Variants in SNRNP48 observed in about 807,000 individuals in gnomAD.
The protein encoded by SNRNP48 is U11/U12 small nuclear ribonucleoprotein 48 kDa protein.
SNRNP48 carries 43 observed loss-of-function variants against 47.0 expected under a neutral mutation model. The observed-to-expected ratio is 0.92, with a 90% CI of 0.72 to 1.18. SNRNP48 has a LOEUF of 1.18. SNRNP48 is among the 50% of genes most tolerant of loss of function. The pLI is 0.00. For missense variants in SNRNP48, 396 were observed against 422.2 expected, an observed-to-expected ratio of 0.94 and a Z score of 0.54; for synonymous variants, 138 against 144.0, an observed-to-expected ratio of 0.96 and a Z score of 0.30.
At chr6:7,601,273 T>C (rs1242718789) in intron 4 of SNRNP48, 63 bp from the exon 5 acceptor site, 6 of 1,323,520 alleles carry the variant, frequency 4.5e-6, no homozygotes, top group Non-Finnish European at 6.2e-6. Flanking sequence ...AAGATAATTA[T>C]TAGATTTTAA....
intron 6 of SNRNP48, among the ~76,000 whole-genome samples, chr6:7,603,006 A>G (rs952473357): frequency 2.0e-5 from 3 of 152,184 alleles, no homozygotes; most frequent in East Asian, 1.9e-4. Flanking sequence ...TGGTAAGAGC[A>G]TGAGTTTGGG....
chr6:7,596,876 G>A (rs1457073174), intron 4 of SNRNP48, among the ~76,000 whole-genome samples: 2 of 152,098 alleles, frequency 1.3e-5, no homozygotes, highest in African/African-American at 4.8e-5. Context: ...AATACTTAAA[G>A]GACTTTATTT....
At position 7,606,170 on chromosome 6, in the gene SNRNP48, T is replaced by C; in HGVS notation, c.946T>C (p.Cys316Arg). The C allele has an allele frequency of 6.2e-7, 1 of 1,612,144 alleles. No individual in the cohort carries two copies. The highest frequency in any genetic ancestry group is 2.2e-5 in the East Asian group (1 of 44,846). The part of the protein sequence containing the change: ...RKRNKDKDKN[C>R]ESRRRKERDG... ...AAGAAACAAAGATAAGGATAAAAAC[T>C]GTGAGTCGAGAAGAAGGAAAGAGAG... Residue 316 changes from cysteine to arginine, a missense_variant, in exon 8 of 9, where the codon TGT (cysteine) becomes CGT (arginine). Cys to Arg is a radical substitution (Grantham distance 180). Transcript: ENST00000342415.
Position 7,602,732 on chromosome 6 carries a change from A to G in SNRNP48, c.705A>G (p.Lys235=), listed in dbSNP as rs147309123. The G allele has an allele frequency of 2.0e-5, 31 of 1,574,216 alleles. No individual in the cohort carries two copies. The African/African-American group carries it at 3.7e-4, about 19-fold the overall frequency. ...CCAAGAATGTTCACATAACCAAGAAATCATATACTGAGGTAAGTTTTACAT... is the reference window on the plus strand; with the variant it reads ...CCAAGAATGTTCACATAACCAAGAAGTCATATACTGAGGTAAGTTTTACAT... ...YRAKNVHITK[K]SYTEVIRDVI... The change falls in exon 6 of 9, where the codon AAA becomes AAG. Residue 235 remains lysine (K), a synonymous_variant. Coordinates refer to ENST00000342415, the MANE Select transcript of SNRNP48 (RefSeq NM_152551.4).
intron 1 of SNRNP48, among the ~76,000 whole-genome samples, chr6:7,592,531 A>C (rs1759836065): frequency 6.6e-6 from 1 of 152,100 alleles, no homozygotes; most frequent in Non-Finnish European, 1.5e-5. Flanking sequence ...ATGTGTATAA[A>C]CTTTGGTATA....
intron 5 of SNRNP48, among the ~76,000 whole-genome samples, chr6:7,601,838 C>G (rs960115908): frequency 6.6e-6 from 1 of 151,910 alleles, no homozygotes; most frequent in Non-Finnish European, 1.5e-5. Flanking sequence ...TACATCGTAT[C>G]AGGTTTTTGG....
intron 4 of SNRNP48, chr6:7,600,464 C>T (rs143512238): frequency 6.6e-6 from 1 of 152,476 alleles, no homozygotes; most frequent in African/African-American, 2.4e-5. Context: ...TCTTTGTTTG[C>T]ATTAGTGAGT....
At position 7,602,694 on chromosome 6, in the gene SNRNP48, CA is replaced by C; in HGVS notation, c.668del (p.Gln223ArgfsTer10). 1 of 1,604,560 alleles carries C rather than the reference CA, an allele frequency of 6.2e-7. No homozygotes were observed. Among genetic ancestry groups the C allele is most frequent in the South Asian group, 1.1e-5 (1 of 89,194 alleles). On this transcript the variant is annotated frameshift_variant, in exon 6 of 9. Coordinates refer to ENST00000342415, the MANE Select transcript of SNRNP48 (RefSeq NM_152551.4). LOFTEE classifies it high-confidence loss of function. ...AEVRDYKRRR[Q>X]SYRAKNVHIT... Reference sequence around the variant, plus strand: ...AGTACGAGATTATAAAAGAAGACGCCAGTCCTATAGAGCCAAGAATGTTCAC... The same window carrying C: ...AGTACGAGATTATAAAAGAAGACGCCGTCCTATAGAGCCAAGAATGTTCAC...
In SNRNP48 at chr6:7,610,569, CTG is replaced by C. The variant is rs1760215382; in HGVS notation, c.*1697_*1698del. 1 of 151,986 alleles carries C rather than the reference CTG, an allele frequency of 6.6e-6. No homozygotes were observed. The highest frequency in any genetic ancestry group is 2.4e-5 in the African/African-American group (1 of 41,352). 9.4% of individuals were successfully genotyped at this position (151,986 alleles called of 1,614,324 possible). A position where few individuals can be genotyped will look rare whatever the true frequency, so the allele number is the denominator to read the frequency against. On this transcript the variant is annotated 3_prime_UTR_variant, in exon 9 of 9. Transcript: ENST00000342415. Reference sequence around the variant, plus strand: ...ATTGTGATTTCATTGATTTTACTAACTGGAAGGAAGAAGAGTAAAATTGGCAT... The same window carrying C: ...ATTGTGATTTCATTGATTTTACTAACGAAGGAAGAAGAGTAAAATTGGCAT...
intron 1 of SNRNP48, among the ~76,000 whole-genome samples, chr6:7,591,480 G>C (rs1207193810): frequency 1.3e-5 from 2 of 152,092 alleles, no homozygotes; most frequent in African/African-American, 4.8e-5. Context: ...ATTCCTCAGA[G>C]GCATTTAAAA....
Position 7,601,333 on chromosome 6 carries a change from T to C in SNRNP48, c.407-3T>C. The stretch of plus-strand genomic sequence containing the variant: ...TATTCTTGTGATTTTATTTTTACTT[T>C]AGGAATTTATTCTTCATTGCCTGTT... On this transcript the variant is annotated splice_polypyrimidine_tract_variant and splice_region_variant and intron_variant, in intron 4 of 8. Coordinates refer to ENST00000342415, the MANE Select transcript of SNRNP48 (RefSeq NM_152551.4). 1.9e-6 allele frequency: 3 copies of C among 1,562,610 alleles called. No homozygotes were observed. The highest frequency in any genetic ancestry group is 1.2e-5 in the South Asian group (1 of 80,648).
rs1759856924 is a variant in SNRNP48 at position 7,593,750 on chromosome 6, G to A, written c.173G>A (p.Cys58Tyr). ...EEAAEDEVVICPYDSNHHMPK... is the reference protein window; with the variant it reads ...EEAAEDEVVIYPYDSNHHMPK... ...TTTTTATAGGATGAAGTTGTGATAT[G>A]TCCATACGATTCCAATCATCACATG... is the stretch of plus-strand genomic sequence containing the variant. The change falls in exon 2 of 9, where the codon TGT becomes TAT. Residue 58 changes from cysteine (C) to tyrosine (Y), a missense_variant. Cys to Tyr is a radical substitution (Grantham distance 194). Coordinates refer to ENST00000342415, the MANE Select transcript of SNRNP48 (RefSeq NM_152551.4). The A allele has an allele frequency of 6.3e-7, 1 of 1,590,714 alleles. No individual in the cohort carries two copies. The highest frequency in any genetic ancestry group is 1.2e-5 in the South Asian group (1 of 85,816).
chr6:7,603,179 AAC>A (rs1386932554), intron 6 of SNRNP48, among the ~76,000 whole-genome samples: 1 of 152,200 alleles, frequency 6.6e-6, no homozygotes, highest in Non-Finnish European at 1.5e-5. Context: ...AATGTATGCA[AAC>A]ACAAATTTCT....
chr6:7,604,460 T>C (rs1007202251), intron 6 of SNRNP48, among the ~76,000 whole-genome samples: 5 of 152,228 alleles, frequency 3.3e-5, no homozygotes, highest in Admixed American at 2.0e-4. Flanking sequence ...TTCTATCTTA[T>C]GTAGGAAAAT....
At chr6:7,602,995 A>G (rs1760058923) in intron 6 of SNRNP48, among the ~76,000 whole-genome samples, 1 of 152,210 alleles carries the variant, frequency 6.6e-6, no homozygotes, top group Non-Finnish European at 1.5e-5. Flanking sequence ...GTAGTGTATC[A>G]TGGTAAGAGC....
rs1760106870 is a variant in SNRNP48, at chr6:7,605,386, A to G, written c.718-12A>G. Reference sequence around the variant, plus strand: ...TTTTCTTACCTGAAGTTCGGTGCTTACCTCTCCCAAGGTGATTCGAGATGT... The same window carrying G: ...TTTTCTTACCTGAAGTTCGGTGCTTGCCTCTCCCAAGGTGATTCGAGATGT... On this transcript the variant is annotated splice_polypyrimidine_tract_variant and intron_variant, in intron 6 of 8. Coordinates refer to ENST00000342415, the MANE Select transcript of SNRNP48 (RefSeq NM_152551.4). The G allele has an allele frequency of 1.9e-6, 3 of 1,612,768 alleles. No individual in the cohort carries two copies. Among genetic ancestry groups the G allele is most frequent in the Non-Finnish European group, 1.7e-6 (2 of 1,179,152 alleles).
intron 3 of SNRNP48, among the ~76,000 whole-genome samples, 178 bp from the exon 4 acceptor site, chr6:7,594,849 G>A (rs775050975): frequency 6.6e-6 from 1 of 152,204 alleles, no homozygotes; most frequent in Admixed American, 6.5e-5. Context: ...TTACTGGGCT[G>A]TAGATAAATC....
At chr6:7,605,282 A>C (rs907158613) in intron 6 of SNRNP48, 116 bp from the exon 7 acceptor site, 21 of 767,036 alleles carry the variant, frequency 2.7e-5, no homozygotes, top group Middle Eastern at 2.4e-4. Flanking sequence ...TCCCACAGTC[A>C]ATTATGTCAT....
Position 7,594,201 on chromosome 6 carries a change from G to A in SNRNP48, c.331+42G>A, listed in dbSNP as rs767148040. On this transcript the variant is annotated intron_variant, in intron 3 of 8. Coordinates refer to ENST00000342415, the MANE Select transcript of SNRNP48 (RefSeq NM_152551.4). The stretch of plus-strand genomic sequence containing the variant: ...TATAATTTAAAAATATCTTAGTGTA[G>A]ATATTGATTTTTCATTTTTGCATTA... The A allele has an allele frequency of 1.1e-5, 11 of 997,222 alleles. 1 individual carries two copies. Among genetic ancestry groups the A allele is most frequent in the Non-Finnish European group, 1.6e-5 (11 of 701,514 alleles). 61.8% of individuals were successfully genotyped at this position (997,222 alleles called of 1,614,324 possible).
Sources: allele counts gnomAD v4.1 joint callset (sites outside exome capture counted in the v4.1 genomes callset), GRCh38; gene constraint gnomAD v4.1.1; transcripts MANE v1.5; gene names NCBI Gene and HGNC (gene_info 2026-07-23, HGNC 2026-07-21).